Variants in MACC1 observed in about 807,000 individuals in gnomAD.
The protein encoded by MACC1 is MET transcriptional regulator MACC1.
In MACC1, 79 loss-of-function variants were observed where a neutral mutation model predicts 70.7. The ratio of observed to expected loss-of-function variants is 1.12; its 90% CI spans 0.93 to 1.35. The LOEUF (loss-of-function observed/expected upper bound fraction) is 1.35, where lower values mean the gene tolerates loss of function less well. Among genes scored for constraint, MACC1 ranks in the 40% most tolerant of loss-of-function variants. The pLI is 0.00. For synonymous variants in MACC1, 361 were observed against 347.2 expected (o/e 1.04, Z -0.44); for missense variants, 1,106 against 978.1 (o/e 1.13, Z -1.74).
chr7:20,210,919 A>C (rs1222492880), intron 1 of MACC1, among the ~76,000 whole-genome samples: 1 of 152,212 alleles, frequency 6.6e-6, no homozygotes, highest in Non-Finnish European at 1.5e-5. Flanking sequence ...TCCAGGGCTT[A>C]GTAAAGTTTA....
chr7:20,193,516 A>G (rs959949036), intron 1 of MACC1, among the ~76,000 whole-genome samples: 1 of 152,206 alleles, frequency 6.6e-6, no homozygotes, highest in African/African-American at 2.4e-5. Context: ...TTGTTTTTCA[A>G]TTCTCATTTC....
chr7:20,157,924 G>A (rs904226073), intron 5 of MACC1, among the ~76,000 whole-genome samples: 6 of 152,158 alleles, frequency 3.9e-5, no homozygotes, highest in African/African-American at 1.4e-4. Flanking sequence ...GAGACAGGAA[G>A]AGAAGTTGTA....
chr7:20,181,082 G>C (rs1451638083), intron 1 of MACC1, among the ~76,000 whole-genome samples: 1 of 78,174 alleles, frequency 1.3e-5, no homozygotes, highest in East Asian at 7.4e-3. Context: ...TATGTGCTCT[G>C]TGTGTGTGTG....
At chr7:20,175,831 G>C (rs1365864836) in intron 1 of MACC1, among the ~76,000 whole-genome samples, 1 of 152,096 alleles carries the variant, frequency 6.6e-6, no homozygotes, top group Non-Finnish European at 1.5e-5. Context: ...CGGTGAAGCT[G>C]GAGCAGCCTT....
At chr7:20,194,793 C>T in intron 1 of MACC1, among the ~76,000 whole-genome samples, 1 of 152,194 alleles carries the variant, frequency 6.6e-6, no homozygotes, top group Non-Finnish European at 1.5e-5. Flanking sequence ...TCACAACTCA[C>T]ACTTCTCCTA....
chr7:20,147,743 T>C (rs533894726), intron 6 of MACC1, among the ~76,000 whole-genome samples: 2 of 152,168 alleles, frequency 1.3e-5, no homozygotes, highest in Admixed American at 1.3e-4. Context: ...CCAGCTAAAT[T>C]TGGGTGAGAA....
intron 1 of MACC1, among the ~76,000 whole-genome samples, chr7:20,209,927 T>G (rs553382221): frequency 1.3e-5 from 2 of 152,286 alleles, no homozygotes; most frequent in South Asian, 4.1e-4. Context: ...TTTATAATTG[T>G]CCGGCATTTT....
intron 1 of MACC1, among the ~76,000 whole-genome samples, chr7:20,185,676 G>T (rs1782576204): frequency 6.6e-6 from 1 of 152,084 alleles, no homozygotes; most frequent in Non-Finnish European, 1.5e-5. Flanking sequence ...TAAGAAATCT[G>T]GCAAAAGTAA....
intron 1 of MACC1, among the ~76,000 whole-genome samples, chr7:20,191,785 G>T (rs1246055967): frequency 6.6e-6 from 1 of 152,176 alleles, no homozygotes; most frequent in Non-Finnish European, 1.5e-5. Context: ...GGTAATCTGT[G>T]CGGTATCAGA....
intron 1 of MACC1, among the ~76,000 whole-genome samples, chr7:20,214,179 T>A (rs1212314817): frequency 1.3e-5 from 2 of 152,136 alleles, no homozygotes; most frequent in African/African-American, 2.4e-5. Flanking sequence ...TGGCTCCTGG[T>A]CAGAACCATT....
In MACC1 at chr7:20,198,367, T is replaced by C. The variant is rs905275429; in HGVS notation, c.-218+18932A>G. Among the ~76,000 whole-genome samples, 18 of 152,082 alleles carry C rather than the reference T, an allele frequency of 1.2e-4. No homozygotes were observed. The East Asian group carries it at 1.3e-3, about 11-fold the overall frequency. On this transcript the variant is annotated intron_variant, in intron 1 of 6. Coordinates refer to ENST00000400331, the MANE Select transcript of MACC1 (RefSeq NM_182762.4). ...GATCCACAGACAGCATGGGAGATCA[T>C]AGAGGGATAAAGAGCCAAGCATATC...
intron 1 of MACC1, among the ~76,000 whole-genome samples, chr7:20,185,238 A>T (rs1782568159): frequency 6.6e-6 from 1 of 152,202 alleles, no homozygotes; most frequent in Non-Finnish European, 1.5e-5. Context: ...AATTCTATCA[A>T]TATCCCAGCC....
Position 20,135,176 on chromosome 7 carries a change from T to C in MACC1, c.*5770A>G, listed in dbSNP as rs1377983354. ...AGAAACAAATGCAATGTTACATATATTTTGTAAAATTATCTTAAAATTATA... is the reference window on the plus strand; with the variant it reads ...AGAAACAAATGCAATGTTACATATACTTTGTAAAATTATCTTAAAATTATA... On this transcript the variant is annotated 3_prime_UTR_variant, in exon 7 of 7. Transcript: ENST00000400331. 1.3e-5 allele frequency: 2 copies of C among 152,236 alleles called. No individual in the cohort carries two copies. The highest frequency in any genetic ancestry group is 2.9e-5 in the Non-Finnish European group (2 of 68,046). 9.4% of individuals were successfully genotyped at this position (152,236 alleles called of 1,614,324 possible).
intron 1 of MACC1, among the ~76,000 whole-genome samples, chr7:20,181,502 C>A (rs1213587982): frequency 6.6e-6 from 1 of 152,018 alleles, no homozygotes; most frequent in East Asian, 1.9e-4. Flanking sequence ...TATATTCATG[C>A]AATCATTGTA....
chr7:20,215,606 A>C (rs1783057900), intron 1 of MACC1, among the ~76,000 whole-genome samples: 1 of 152,168 alleles, frequency 6.6e-6, no homozygotes, highest in South Asian at 2.1e-4. Flanking sequence ...AGTCATCTGA[A>C]ATGCTGGTTG....
chr7:20,157,771 A>T (rs1381226796), intron 5 of MACC1, among the ~76,000 whole-genome samples: 1 of 148,488 alleles, frequency 6.7e-6, no homozygotes, highest in Non-Finnish European at 1.5e-5. Flanking sequence ...TGTCTCAAAA[A>T]AAAAAAAAAA....
At chr7:20,145,936 G>C (rs774827422) in intron 6 of MACC1, among the ~76,000 whole-genome samples, 1 of 152,152 alleles carries the variant, frequency 6.6e-6, no homozygotes, top group Non-Finnish European at 1.5e-5. Context: ...GCTGAGGTGG[G>C]TGGATCATGA....
At chr7:20,216,317 T>C (rs1251410609) in intron 1 of MACC1, among the ~76,000 whole-genome samples, 1 of 152,128 alleles carries the variant, frequency 6.6e-6, no homozygotes. Context: ...AAAAATAAAT[T>C]TTTTAAAATC....
intron 1 of MACC1, among the ~76,000 whole-genome samples, chr7:20,175,201 C>A (rs193258435): frequency 1.3e-5 from 2 of 151,932 alleles, no homozygotes; most frequent in Non-Finnish European, 2.9e-5. Context: ...TTGATGAACT[C>A]TTTAACCCGG....
Sources: allele counts gnomAD v4.1 joint callset (sites outside exome capture counted in the v4.1 genomes callset), GRCh38; gene constraint gnomAD v4.1.1; transcripts MANE v1.5; gene names NCBI Gene and HGNC (gene_info 2026-07-23, HGNC 2026-07-21).